Variants in TRAF4 observed in about 807,000 individuals in gnomAD.
TRAF4 encodes the protein TNF receptor associated factor 4, also known as TNF receptor-associated factor 4.
In TRAF4, 9 loss-of-function variants were observed where a neutral mutation model predicts 47.3. That is an observed-to-expected ratio of 0.19 (90% confidence interval 0.11 to 0.33). The LOEUF (loss-of-function observed/expected upper bound fraction) is 0.33, where lower values mean the gene tolerates loss of function less well. Ranked by LOEUF, TRAF4 falls within the 10% of genes least tolerant of loss-of-function variation. The pLI is 1.00. For missense variants in TRAF4, 448 were observed against 620.3 expected, an observed-to-expected ratio of 0.72 and a Z score of 2.95; for synonymous variants, 236 against 236.9, an observed-to-expected ratio of 1.00 and a Z score of 0.04.
In TRAF4 at chr17:28,749,251, C is replaced by T. The variant is rs2034564785; in HGVS notation, c.1087C>T (p.Leu363Phe). ...CAATGGCAGTGGTGAGGGCACACAC[C>T]TCTCACTGTACATTCGTGTGCTGCC... ...NGNGSGEGTH[L>F]SLYIRVLPGA... The change falls in exon 7 of 7, where the codon CTC becomes TTC. Residue 363 changes from leucine to phenylalanine, a missense_variant. Coordinates refer to ENST00000262395, the MANE Select transcript of TRAF4 (RefSeq NM_004295.4). The T allele has an allele frequency of 1.9e-6, 3 of 1,614,142 alleles. No homozygotes were observed. Among genetic ancestry groups the T allele is most frequent in the Non-Finnish European group, 2.5e-6 (3 of 1,180,056 alleles).
chr17:28,749,561 G>A lies in TRAF4; in HGVS notation c.1397G>A (p.Arg466Gln), dbSNP rs760940325. 20 of 1,612,320 alleles carry A rather than the reference G, an allele frequency of 1.2e-5. No individual in the cohort carries two copies. The highest frequency in any genetic ancestry group is 3.3e-5 in the South Asian group (3 of 90,908). The change falls in exon 7 of 7, where the codon CGG (arginine) becomes CAG (glutamine). Residue 466 changes from arginine to glutamine, a missense_variant. Coordinates refer to ENST00000262395, the MANE Select transcript of TRAF4 (RefSeq NM_004295.4). ...ATCCGTGCTGCTGTTGAACTGCCCC[G>A]GAAGATCCTCAGCTGAGTGCAGGTG... is the stretch of plus-strand genomic sequence containing the variant. ...VFIRAAVELP[R>Q]KILS
Position 28,750,576 on chromosome 17 carries a change from C to T in TRAF4, c.*999C>T, listed in dbSNP as rs1412003253. ...AGTGAATGCTTTCTAACTCCGAACC[C>T]CAGCCACATCCAGGGACTGGGTGTT... On this transcript the variant is annotated 3_prime_UTR_variant, in exon 7 of 7. Transcript: ENST00000262395. 7 of 152,174 alleles carry T rather than the reference C, an allele frequency of 4.6e-5. No individual in the cohort carries two copies. Among genetic ancestry groups the T allele is most frequent in the Admixed American group, 3.9e-4 (6 of 15,270 alleles). 9.4% of individuals were successfully genotyped at this position (152,174 alleles called of 1,614,324 possible). A position where few individuals can be genotyped will look rare whatever the true frequency, so the allele number is the denominator to read the frequency against.
chr17:28,749,806 C>T lies in TRAF4; in HGVS notation c.*229C>T. 1 of 757,864 alleles carries T rather than the reference C, an allele frequency of 1.3e-6. No individual in the cohort carries two copies. Among genetic ancestry groups the T allele is most frequent in the Non-Finnish European group, 2.3e-6 (1 of 436,036 alleles). 46.9% of individuals were successfully genotyped at this position (757,864 alleles called of 1,614,324 possible). On this transcript the variant is annotated 3_prime_UTR_variant, in exon 7 of 7. Transcript: ENST00000262395. ...CATGAAGGGCTGGAAACAAGTGACC[C>T]CAGGGCCTGTCTCCCTTCTTGGGTA...
In TRAF4 at chr17:28,747,909, G is replaced by GATGC; in HGVS notation, c.263_264insTGCA (p.Glu88AspfsTer29). The GATGC allele has an allele frequency of 6.2e-7, 1 of 1,614,126 alleles. No individual in the cohort carries two copies. On this transcript the variant is annotated frameshift_variant, in exon 3 of 7. Transcript: ENST00000262395. LOFTEE classifies it high-confidence loss of function. ...GCCTATCCGCTGCATCCACAGTGAGGAGGGCTGCCGCTGGAGTGGGCCACT... is the reference window on the plus strand; with the variant it reads ...GCCTATCCGCTGCATCCACAGTGAGGATGCAGGGCTGCCGCTGGAGTGGGCCACT...
intron 4 of TRAF4, 33 bp downstream of exon 4, chr17:28,748,211 G>T (rs2034545782): frequency 6.2e-7 from 1 of 1,613,064 alleles, no homozygotes; most frequent in East Asian, 2.2e-5. Context: ...TGGAGGAGGG[G>T]GTACCTGATG....
rs370031471 is a variant in TRAF4, at chr17:28,749,559, C to G, written c.1395C>G (p.Pro465=). The change falls in exon 7 of 7, where the codon CCC becomes CCG. Residue 465 remains proline (P), a synonymous_variant. Transcript: ENST00000262395. ...TCATCCGTGCTGCTGTTGAACTGCC[C>G]CGGAAGATCCTCAGCTGAGTGCAGG... ...AVFIRAAVEL[P]RKILS The G allele has an allele frequency of 5.6e-6, 9 of 1,612,322 alleles. No individual in the cohort carries two copies. Among genetic ancestry groups the G allele is most frequent in the South Asian group, 5.5e-5 (5 of 90,940 alleles).
At chr17:28,746,293 C>A (rs570344147) in intron 1 of TRAF4, among the ~76,000 whole-genome samples, 6 of 152,132 alleles carry the variant, frequency 3.9e-5, no homozygotes, top group Admixed American at 2.0e-4. Flanking sequence ...CCATGCCAGG[C>A]ATGTGTGACT....
intron 1 of TRAF4, 32 bp downstream of exon 1, chr17:28,744,287 C>A (rs1265950487): frequency 6.3e-5 from 6 of 94,618 alleles, no homozygotes; most frequent in Admixed American, 1.5e-4. Flanking sequence ...ACAGCGGGGG[C>A]GGGGCGGGGC....
At chr17:28,748,469 G>T in intron 5 of TRAF4, 42 bp from the exon 6 acceptor site, 1 of 1,607,842 alleles carries the variant, frequency 6.2e-7, no homozygotes, top group Non-Finnish European at 8.5e-7. Context: ...GTGACAGGTA[G>T]TCAGGATATT....
chr17:28,744,268 G>A lies in TRAF4; in HGVS notation c.143+13G>A, dbSNP rs762473622. On this transcript the variant is annotated intron_variant, in intron 1 of 6. Coordinates refer to ENST00000262395, the MANE Select transcript of TRAF4 (RefSeq NM_004295.4). ...AGGAGTTCCTCAGGTGCTGGCCGGGGAGCAGGGGACAGCGGGGGCGGGGCG... is the reference window on the plus strand; with the variant it reads ...AGGAGTTCCTCAGGTGCTGGCCGGGAAGCAGGGGACAGCGGGGGCGGGGCG... 70 of 1,540,088 alleles carry A rather than the reference G, an allele frequency of 4.5e-5. No homozygotes were observed. The South Asian group carries it at 5.6e-4, about 12-fold the overall frequency.
rs1426185334 is a variant in TRAF4, at chr17:28,749,478, G to A, written c.1314G>A (p.Lys438=). The part of the protein sequence containing the change: ...DESSLGFGYP[K]FISHQDIRKR... ...GTTCTCTGGGCTTTGGTTATCCCAA[G>A]TTCATCTCCCACCAGGACATTCGAA... Residue 438 remains lysine (K), a synonymous_variant, in exon 7 of 7, where the codon AAG becomes AAA. Coordinates refer to ENST00000262395, the MANE Select transcript of TRAF4 (RefSeq NM_004295.4). 3.1e-6 allele frequency: 5 copies of A among 1,613,802 alleles called. No homozygotes were observed. The highest frequency in any genetic ancestry group is 2.7e-5 in the African/African-American group (2 of 74,926).
At position 28,747,320 on chromosome 17, in the gene TRAF4, G is replaced by A. The variant is rs747342539; in HGVS notation, c.195+56G>A. ...GCACAGTCTGTTGCCCTTGGAGGCC[G>A]GAGCTGCTGGCAGCCAGTGGGCTCA... is the stretch of plus-strand genomic sequence containing the variant. On this transcript the variant is annotated intron_variant, in intron 2 of 6. Transcript: ENST00000262395. 74 of 1,582,078 alleles carry A rather than the reference G, an allele frequency of 4.7e-5. 1 individual carries two copies. The Admixed American group carries it at 4.9e-4, about 10-fold the overall frequency.
At position 28,749,778 on chromosome 17, in the gene TRAF4, G is replaced by A. The variant is rs2034574375; in HGVS notation, c.*201G>A. 22 of 876,632 alleles carry A rather than the reference G, an allele frequency of 2.5e-5. 1 individual carries two copies. In the East Asian group the frequency reaches 5.5e-4, roughly 22 times the overall value. 54.3% of individuals were successfully genotyped at this position (876,632 alleles called of 1,614,324 possible). A position where few individuals can be genotyped will look rare whatever the true frequency, so the allele number is the denominator to read the frequency against. On this transcript the variant is annotated 3_prime_UTR_variant, in exon 7 of 7. Coordinates refer to ENST00000262395, the MANE Select transcript of TRAF4 (RefSeq NM_004295.4). ...GGCCCCTGTGGGGAACAGGTCTTGG[G>A]GTCATGAAGGGCTGGAAACAAGTGA...
Position 28,749,407 on chromosome 17 carries a change from AAG to A in TRAF4, c.1245_1246del (p.Asn416PhefsTer13), listed in dbSNP as rs1179809732. On this transcript the variant is annotated frameshift_variant, in exon 7 of 7. Transcript: ENST00000262395. LOFTEE classifies it high-confidence loss of function. ...GACCTTCCACCCCGACCCAAACTGG[AAG>A]AATTTCCAGAAGCCAGGCACGTGGC... Reference protein sequence around the residue: ...TETFHPDPNWKNFQKPGTWRG... With the variant: ...TETFHPDPNWXNFQKPGTWRG... 1 of 1,614,040 alleles carries A rather than the reference AAG, an allele frequency of 6.2e-7. No homozygotes were observed. The highest frequency in any genetic ancestry group is 1.3e-5 in the African/African-American group (1 of 75,068).
rs927509263 is a variant in TRAF4, at chr17:28,749,737, T to C, written c.*160T>C. ...AGCCACCACCCTCAGGTGCCTCCAA[T>C]TGGTGCTTCAGCCCTGGCCCCTGTG... On this transcript the variant is annotated 3_prime_UTR_variant, in exon 7 of 7. Transcript: ENST00000262395. 3 of 1,246,506 alleles carry C rather than the reference T, an allele frequency of 2.4e-6. No individual in the cohort carries two copies. The South Asian group carries it at 3.8e-5, about 16-fold the overall frequency. 77.2% of individuals were successfully genotyped at this position (1,246,506 alleles called of 1,614,324 possible).
Position 28,748,298 on chromosome 17 carries a change from T to C in TRAF4, c.499T>C (p.Cys167Arg). 6.2e-7 allele frequency: 1 copy of C among 1,613,880 alleles called. No homozygotes were observed. The highest frequency in any genetic ancestry group is 8.5e-7 in the Non-Finnish European group (1 of 1,179,948). The change falls in exon 5 of 7, where the codon TGT becomes CGT. Residue 167 changes from cysteine to arginine, a missense_variant. Transcript: ENST00000262395. ...EGMCPQESVY[C>R]ENKCGARMMR... ...TATGTGCCCCCAGGAGAGTGTCTAC[T>C]GTGAGAATAAGTGTGGTGCCCGCAT...
intron 1 of TRAF4, among the ~76,000 whole-genome samples, chr17:28,746,546 T>C (rs1433448263): frequency 2.0e-5 from 3 of 152,208 alleles, no homozygotes. Context: ...CTGTCTGAGC[T>C]GTGGAGTCAG....
At chr17:28,746,558 C>A (rs2034516086) in intron 1 of TRAF4, among the ~76,000 whole-genome samples, 1 of 152,216 alleles carries the variant, frequency 6.6e-6, no homozygotes, top group South Asian at 2.1e-4. Context: ...TGGAGTCAGA[C>A]ACACATAGCC....
Position 28,744,205 on chromosome 17 carries a change from T to G in TRAF4, c.93T>G (p.Val31=). ...AGCCCATGCGCGAGCCTGTGCAGGT[T>G]TCCACCTGCGGCCACCGTTTCTGCG... The part of the protein sequence containing the change: ...CGKPMREPVQ[V]STCGHRFCDT... The change falls in exon 1 of 7, where the codon GTT becomes GTG. Residue 31 remains valine (V), a synonymous_variant. Transcript: ENST00000262395. The G allele has an allele frequency of 6.3e-7, 1 of 1,590,744 alleles. No homozygotes were observed. The highest frequency in any genetic ancestry group is 1.1e-5 in the South Asian group (1 of 90,702).
Sources: allele counts gnomAD v4.1 joint callset (sites outside exome capture counted in the v4.1 genomes callset), GRCh38; gene constraint gnomAD v4.1.1; transcripts MANE v1.5; gene names NCBI Gene and HGNC (gene_info 2026-07-23, HGNC 2026-07-21).